SLC16A6: variants seen among roughly 807,000 people sequenced by gnomAD.
SLC16A6 encodes monocarboxylate transporter 7.
In SLC16A6, 15 loss-of-function variants were observed where a neutral mutation model predicts 33.8. The ratio of observed to expected loss-of-function variants is 0.44; its 90% CI spans 0.30 to 0.68. The LOEUF is 0.68. Among genes scored for constraint, SLC16A6 ranks in the 30% least tolerant of loss-of-function variants. The pLI, the probability that SLC16A6 is intolerant of heterozygous loss-of-function variation, is 0.10. For synonymous variants in SLC16A6, 219 were observed against 248.4 expected, an observed-to-expected ratio of 0.88 and a Z score of 1.11; for missense variants, 451 against 661.5, an observed-to-expected ratio of 0.68 and a Z score of 3.49.
Position 68,271,662 on chromosome 17 carries a change from A to G in SLC16A6, c.506-8T>C. 1 of 1,606,266 alleles carries G rather than the reference A, an allele frequency of 6.2e-7. No individual in the cohort carries two copies. The highest frequency in any genetic ancestry group is 1.7e-5 in the Admixed American group (1 of 59,366). ...CCTTCAGAGCCATGATTGCTTGAAT[A>G]GGCAGGAGTGAAGAAGAAATAATAT... is the stretch of plus-strand genomic sequence containing the variant. On this transcript the variant is annotated splice_region_variant and splice_polypyrimidine_tract_variant and intron_variant, in intron 4 of 5. Transcript: ENST00000580666. This position sits in a 1 kb window ranked among gnomAD's most constrained non-coding sequence, Gnocchi z 5.3.
chr17:68,289,401 A>C (rs1444443681), intron 1 of SLC16A6, among the ~76,000 whole-genome samples: 3 of 152,168 alleles, frequency 2.0e-5, no homozygotes, highest in Admixed American at 2.0e-4. Flanking sequence ...GAGGGCATGA[A>C]AAAAATTGTA....
Position 68,271,331 on chromosome 17 carries a change from T to C in SLC16A6, c.829A>G (p.Ser277Gly). 6.2e-7 allele frequency: 1 copy of C among 1,614,244 alleles called. No individual in the cohort carries two copies. The highest frequency in any genetic ancestry group is 8.5e-7 in the Non-Finnish European group (1 of 1,180,042). Residue 277 changes from serine (S) to glycine (G), a missense_variant, in exon 5 of 6, where the codon AGC (serine) becomes GGC (glycine). Transcript: ENST00000580666. This position sits in a 1 kb window ranked among gnomAD's most constrained non-coding sequence, Gnocchi z 5.3. ...QVLVKTSPRPSEKKAPLLDFS... is the reference protein window; with the variant it reads ...QVLVKTSPRPGEKKAPLLDFS... ...TCTAATAGCGGGGCTTTCTTTTCGC[T>C]TGGCCTGGGGCTGGTCTTCACCAGG...
chr17:68,283,929 C>T (rs1180768505), intron 1 of SLC16A6, among the ~76,000 whole-genome samples: 2 of 148,244 alleles, frequency 1.3e-5, no homozygotes, highest in Non-Finnish European at 3.0e-5. Context: ...AAAACACTGT[C>T]TCTACTAAAA....
chr17:68,272,216 G>A (rs189135414), intron 4 of SLC16A6, among the ~76,000 whole-genome samples: 7 of 152,258 alleles, frequency 4.6e-5, no homozygotes, highest in African/African-American at 1.4e-4. Context: ...GGGATTACAG[G>A]TGTAAGCCAC....
At chr17:68,284,583 A>G (rs1363333984) in intron 1 of SLC16A6, among the ~76,000 whole-genome samples, 1 of 152,184 alleles carries the variant, frequency 6.6e-6, no homozygotes, top group Non-Finnish European at 1.5e-5. Context: ...GAAAAATAAC[A>G]GGACACAACC....
chr17:68,276,175 C>T (rs2075512802), intron 2 of SLC16A6, among the ~76,000 whole-genome samples: 1 of 151,258 alleles, frequency 6.6e-6, no homozygotes, highest in Non-Finnish European at 1.5e-5. Flanking sequence ...CTCACTGCAA[C>T]CTCTGCCTCC....
intron 1 of SLC16A6, among the ~76,000 whole-genome samples, chr17:68,288,158 G>C (rs1322239099): frequency 6.6e-6 from 1 of 150,382 alleles, no homozygotes; most frequent in Non-Finnish European, 1.5e-5. Context: ...CACCACGCCC[G>C]GCTGATTTTT....
chr17:68,274,143 C>T, intron 2 of SLC16A6, 73 bp from the exon 3 acceptor site: 5 of 1,504,112 alleles, frequency 3.3e-6, no homozygotes, highest in Non-Finnish European at 4.6e-6. Flanking sequence ...ACTCCTTCCT[C>T]CACGTCTTGC....
chr17:68,286,424 A>G (rs1213862405), intron 1 of SLC16A6, among the ~76,000 whole-genome samples: 1 of 152,198 alleles, frequency 6.6e-6, no homozygotes, highest in East Asian at 1.9e-4. Flanking sequence ...CAAGAGGTGA[A>G]GGGACTTGAC....
At chr17:68,291,214 A>T (rs2075973696), upstream of SLC16A6, 1 of 149,378 alleles carries the variant, frequency 6.7e-6, no homozygotes, top group South Asian at 2.2e-4. Flanking sequence ...GCCCGACTCT[A>T]GCGCAAGTTG....
At chr17:68,287,360 A>G (rs2075865237) in intron 1 of SLC16A6, among the ~76,000 whole-genome samples, 1 of 150,450 alleles carries the variant, frequency 6.6e-6, no homozygotes, top group African/African-American at 2.5e-5. Context: ...GGGTCTCCCT[A>G]TGTTGCCTAG....
intron 1 of SLC16A6, among the ~76,000 whole-genome samples, chr17:68,290,646 T>A (rs896481697): frequency 9.2e-5 from 14 of 152,224 alleles, no homozygotes; most frequent in African/African-American, 3.4e-4. Flanking sequence ...CCGGCCTGCG[T>A]GCGCGCGCCA....
At position 68,272,550 on chromosome 17, in the gene SLC16A6, C is replaced by T. The variant is rs541108983; in HGVS notation, c.505+89G>A. On this transcript the variant is annotated intron_variant, in intron 4 of 5. Transcript: ENST00000580666. ...TCATTACACATACACTGAAAGTCATCCATACTGTTGGCAAAAGTTAGCGTA... is the reference window on the plus strand; with the variant it reads ...TCATTACACATACACTGAAAGTCATTCATACTGTTGGCAAAAGTTAGCGTA... The T allele has an allele frequency of 6.1e-5, 89 of 1,467,282 alleles. 1 individual carries two copies. The South Asian group carries it at 1.0e-3, about 17-fold the overall frequency. 90.9% of individuals were successfully genotyped at this position (1,467,282 alleles called of 1,614,324 possible). A position where few individuals can be genotyped will look rare whatever the true frequency, so the allele number is the denominator to read the frequency against.
chr17:68,274,591 A>C (rs1555750301), intron 2 of SLC16A6: 1 of 152,420 alleles, frequency 6.6e-6, no homozygotes, highest in African/African-American at 2.4e-5. Context: ...TAACAGTATA[A>C]AACTTTTATC....
At position 68,268,861 on chromosome 17, in the gene SLC16A6, A is replaced by G. The variant is rs1230875153; in HGVS notation, c.*235T>C. On this transcript the variant is annotated 3_prime_UTR_variant, in exon 6 of 6. Coordinates refer to ENST00000580666, the MANE Select transcript of SLC16A6 (RefSeq NM_004694.5). ...GAATACAGCCAGATTTATATATGGA[A>G]GAGTGCTTGGTTGTTTTTTGTTTTG... is the stretch of plus-strand genomic sequence containing the variant. 7.9e-6 allele frequency: 5 copies of G among 636,240 alleles called. No homozygotes were observed. Among genetic ancestry groups the G allele is most frequent in the Middle Eastern group, 2.7e-4 (1 of 3,696 alleles). 39.4% of individuals were successfully genotyped at this position (636,240 alleles called of 1,614,324 possible).
At chr17:68,291,194 T>C (rs2075972953), upstream of SLC16A6, 1 of 151,468 alleles carries the variant, frequency 6.6e-6, no homozygotes, top group South Asian at 2.1e-4. Context: ...ATTAACCCCT[T>C]AGGGGGCGGG....
Position 68,272,626 on chromosome 17 carries a change from G to A in SLC16A6, c.505+13C>T, listed in dbSNP as rs1555749330. 6.2e-7 allele frequency: 1 copy of A among 1,613,206 alleles called. No individual in the cohort carries two copies. Among genetic ancestry groups the A allele is most frequent in the South Asian group, 1.1e-5 (1 of 91,038 alleles). ...CATCCACATTCATACTTAGGCTGTT[G>A]TAGTCCACCTACCTGGTGCGAAAGC... is the stretch of plus-strand genomic sequence containing the variant. On this transcript the variant is annotated intron_variant, in intron 4 of 5. Transcript: ENST00000580666.
chr17:68,289,391 G>C (rs1382284688), intron 1 of SLC16A6, among the ~76,000 whole-genome samples: 1 of 152,098 alleles, frequency 6.6e-6, no homozygotes, highest in Non-Finnish European at 1.5e-5. Context: ...GATTTGGCCC[G>C]AGGGCATGAA....
intron 1 of SLC16A6, among the ~76,000 whole-genome samples, chr17:68,278,591 C>T (rs2075597865): frequency 6.6e-6 from 1 of 151,300 alleles, no homozygotes; most frequent in African/African-American, 2.4e-5. Context: ...TGTGCCACCA[C>T]AGCCAGCTAA....
Sources: gnomAD v4.1 joint callset for allele counts (sites outside exome capture counted in the v4.1 genomes callset) on GRCh38, gnomAD v4.1.1 for gene constraint, Gnocchi (gnomAD v3.1) non-coding constraint, MANE v1.5 for transcripts, NCBI Gene and HGNC (gene_info 2026-07-23, HGNC 2026-07-21) for gene names.